Variants in KATNIP observed in about 807,000 individuals in gnomAD.
The protein encoded by KATNIP is katanin-interacting protein.
Under a neutral mutation model 174.0 loss-of-function variants are expected in KATNIP, and 126 were observed. The ratio of observed to expected loss-of-function variants is 0.72; its 90% CI spans 0.63 to 0.84. KATNIP has a LOEUF of 0.84. Among genes scored for constraint, KATNIP ranks in the 40% least tolerant of loss-of-function variants. The pLI, the probability that KATNIP is intolerant of heterozygous loss-of-function variation, is 0.00. For missense variants in KATNIP, 1,958 were observed against 2,109.7 expected, an observed-to-expected ratio of 0.93 and a Z score of 1.41; for synonymous variants, 810 against 835.7, an observed-to-expected ratio of 0.97 and a Z score of 0.53.
intron 2 of KATNIP, among the ~76,000 whole-genome samples, chr16:27,584,278 C>G (rs2090804459): frequency 6.6e-6 from 1 of 151,986 alleles, no homozygotes; most frequent in South Asian, 2.1e-4. Flanking sequence ...AGCCACGGCC[C>G]CAGATAGAGA....
At position 27,568,649 on chromosome 16, in the gene KATNIP, GA is replaced by G. The variant is rs1470487971; in HGVS notation, c.8-5249del. 2.6e-5 allele frequency among the ~76,000 whole-genome samples: 4 copies of G among 152,058 alleles called. No homozygotes were observed. In the East Asian group the frequency reaches 7.7e-4, roughly 29 times the overall value. On this transcript the variant is annotated intron_variant, in intron 1 of 27. Coordinates refer to ENST00000261588, the MANE Select transcript of KATNIP (RefSeq NM_015202.5). ...CCAGCTAATTTTTGTATTTTTAGTAGAAACAGAGTTTCACCCTGTTGGCCAG... is the reference window on the plus strand; with the variant it reads ...CCAGCTAATTTTTGTATTTTTAGTAGAACAGAGTTTCACCCTGTTGGCCAG...
intron 2 of KATNIP, among the ~76,000 whole-genome samples, chr16:27,575,457 A>T (rs564001227): frequency 1.8e-4 from 28 of 152,346 alleles, no homozygotes; most frequent in Admixed American, 1.0e-3. Context: ...CAGGGGAGAT[A>T]AATTGTGTGG....
rs2078566799 is a variant in KATNIP, at chr16:27,687,510, G to A, written c.940+5980G>A. 1.3e-5 allele frequency: 2 copies of A among 152,024 alleles called. 1 individual carries two copies. Among genetic ancestry groups the A allele is most frequent in the African/African-American group, 4.8e-5 (2 of 41,394 alleles). 9.4% of individuals were successfully genotyped at this position (152,024 alleles called of 1,614,324 possible). On this transcript the variant is annotated intron_variant, in intron 8 of 27. Transcript: ENST00000261588. Reference sequence around the variant, plus strand: ...ATTTGTGTCAATTAAATGTGTGTGTGATGCAACTCCAAGAGAGCTTCATTC... The same window carrying A: ...ATTTGTGTCAATTAAATGTGTGTGTAATGCAACTCCAAGAGAGCTTCATTC...
chr16:27,682,900 G>A (rs971707398), intron 8 of KATNIP, among the ~76,000 whole-genome samples: 6 of 152,120 alleles, frequency 3.9e-5, no homozygotes, highest in South Asian at 2.1e-4. Flanking sequence ...GGAAGAAGAA[G>A]AGAGACCTGA....
chr16:27,697,779 C>G (rs1451494954), intron 8 of KATNIP, among the ~76,000 whole-genome samples: 1 of 151,886 alleles, frequency 6.6e-6, no homozygotes, highest in African/African-American at 2.4e-5. Flanking sequence ...CCCTTTACCC[C>G]TGAACTGTGT....
intron 20 of KATNIP, among the ~76,000 whole-genome samples, chr16:27,768,170 C>T (rs1229327938): frequency 6.6e-6 from 1 of 152,180 alleles, no homozygotes; most frequent in Non-Finnish European, 1.5e-5. Context: ...GATCCCACAC[C>T]CCAAAAGGCC....
chr16:27,645,354 G>A (rs1046181217), intron 5 of KATNIP, among the ~76,000 whole-genome samples: 8 of 152,170 alleles, frequency 5.3e-5, no homozygotes, highest in Non-Finnish European at 7.3e-5. Flanking sequence ...GGCTCAGGGA[G>A]GCTAGATGAC....
chr16:27,761,462 G>T lies in KATNIP; in HGVS notation c.3681G>T (p.Gly1227=). The change falls in exon 19 of 28, where the codon GGG becomes GGT. Residue 1227 remains glycine, a synonymous_variant. Transcript: ENST00000261588. ...CCTGGGGAGACTTGCACTACCTGGGGCTCACTGGCCTGGAAGTGGTGGGCA... is the reference window on the plus strand; with the variant it reads ...CCTGGGGAGACTTGCACTACCTGGGTCTCACTGGCCTGGAAGTGGTGGGCA... ...TASWGDLHYL[G]LTGLEVVGKE... The T allele has an allele frequency of 6.2e-7, 1 of 1,614,052 alleles. No individual in the cohort carries two copies. Among genetic ancestry groups the T allele is most frequent in the East Asian group, 2.2e-5 (1 of 44,890 alleles).
In KATNIP at chr16:27,580,666, T is replaced by C. The variant is rs139989758; in HGVS notation, c.63+6710T>C. Among the ~76,000 whole-genome samples the C allele has an allele frequency of 3.2e-4, 48 of 151,764 alleles. 1 individual carries two copies. Among genetic ancestry groups the C allele is most frequent in the African/African-American group, 8.7e-4 (36 of 41,414 alleles). On this transcript the variant is annotated intron_variant, in intron 2 of 27. Coordinates refer to ENST00000261588, the MANE Select transcript of KATNIP (RefSeq NM_015202.5). ...TTGTCTCCTTTACCCACCCATCCAT[T>C]CCCCTCATGCAATACACATTGTTTT...
At chr16:27,631,279 A>G in intron 5 of KATNIP, 117 bp downstream of exon 5, 1 of 743,990 alleles carries the variant, frequency 1.3e-6, no homozygotes, top group Non-Finnish European at 2.2e-6. Flanking sequence ...TGGCTCCTTT[A>G]TGCAATCCCA....
At chr16:27,671,277 T>C (rs147429635) in intron 6 of KATNIP, among the ~76,000 whole-genome samples, 1 of 152,186 alleles carries the variant, frequency 6.6e-6, no homozygotes, top group Non-Finnish European at 1.5e-5. Flanking sequence ...TGTATAGAAA[T>C]TAACAATGAT....
intron 5 of KATNIP, among the ~76,000 whole-genome samples, chr16:27,640,287 C>T (rs987700468): frequency 3.5e-4 from 54 of 152,172 alleles, no homozygotes; most frequent in Non-Finnish European, 6.9e-4. Context: ...TTTGAAACAC[C>T]CACTCAGGTA....
At chr16:27,747,097 A>T (rs1395943347) in intron 15 of KATNIP, among the ~76,000 whole-genome samples, 1 of 152,194 alleles carries the variant, frequency 6.6e-6, no homozygotes, top group Non-Finnish European at 1.5e-5. Flanking sequence ...GCAAGGAAGG[A>T]TGGCAGTGTC....
intron 14 of KATNIP, among the ~76,000 whole-genome samples, chr16:27,722,954 C>T (rs1015832946): frequency 4.6e-5 from 7 of 152,130 alleles, no homozygotes; most frequent in Admixed American, 1.3e-4. Context: ...CCCTAGACTG[C>T]GTGGAGTGTG....
rs962493040 is a variant in KATNIP, at chr16:27,678,446, C to T, written c.808+450C>T. ...CTCTCCTTTTCCCTTCTGGCCTCTT[C>T]CCTCTGTCTTCTCCCATCTCCCTCT... On this transcript the variant is annotated intron_variant, in intron 7 of 27. Coordinates refer to ENST00000261588, the MANE Select transcript of KATNIP (RefSeq NM_015202.5). Among the ~76,000 whole-genome samples the T allele has an allele frequency of 5.9e-5, 9 of 152,194 alleles. No homozygotes were observed. The East Asian group carries it at 1.7e-3, about 29-fold the overall frequency.
chr16:27,648,462 A>T, intron 5 of KATNIP, 142 bp from the exon 6 acceptor site: 1 of 938,434 alleles, frequency 1.1e-6, no homozygotes, highest in Non-Finnish European at 1.6e-6. Flanking sequence ...TCATGACACC[A>T]CTGCTGTTGC....
At chr16:27,710,577 C>T (rs1211747818) in intron 13 of KATNIP, among the ~76,000 whole-genome samples, 1 of 152,172 alleles carries the variant, frequency 6.6e-6, no homozygotes, top group Non-Finnish European at 1.5e-5. Flanking sequence ...TCATAGCTCA[C>T]TGCAGCCTCA....
At chr16:27,603,081 C>T (rs2075584623) in intron 2 of KATNIP, among the ~76,000 whole-genome samples, 1 of 152,230 alleles carries the variant, frequency 6.6e-6, no homozygotes, top group South Asian at 2.1e-4. Context: ...GGTGCAATCA[C>T]AGGGGTGTGG....
intron 14 of KATNIP, among the ~76,000 whole-genome samples, chr16:27,734,589 C>T (rs899943590): frequency 4.6e-5 from 7 of 152,008 alleles, no homozygotes; most frequent in East Asian, 2.0e-4. Context: ...CCCAGCTACT[C>T]GGGAGGCTGA....
Sources: allele counts gnomAD v4.1 joint callset (sites outside exome capture counted in the v4.1 genomes callset), GRCh38; gene constraint gnomAD v4.1.1; transcripts MANE v1.5; gene names NCBI Gene and HGNC (gene_info 2026-07-23, HGNC 2026-07-21).